The following OTUD7A variants were observed in gnomAD, a reference collection of about 807,000 sequenced individuals.
OTUD7A encodes the protein OTU domain-containing protein 7A.
Under a neutral mutation model 65.7 loss-of-function variants are expected in OTUD7A, and 12 were observed. That is an observed-to-expected ratio of 0.18 (90% confidence interval 0.12 to 0.30). The LOEUF (loss-of-function observed/expected upper bound fraction) is 0.30, where lower values mean the gene tolerates loss of function less well. Among genes scored for constraint, OTUD7A ranks in the 10% least tolerant of loss-of-function variants. OTUD7A has a pLI of 1.00. For missense variants in OTUD7A, 1,148 were observed against 1,304.8 expected (o/e 0.88, Z 1.85); for synonymous variants, 641 against 586.3 (o/e 1.09, Z -1.35).
chr15:31,670,129 T>G (rs959054184), intron 1 of OTUD7A, among the ~76,000 whole-genome samples: 1 of 148,964 alleles, frequency 6.7e-6, no homozygotes, highest in Non-Finnish European at 1.5e-5. Flanking sequence ...TGCTGCTGTG[T>G]CCATCTGAGT....
At chr15:31,764,404 T>C (rs922593478) in intron 1 of OTUD7A, among the ~76,000 whole-genome samples, 2 of 152,154 alleles carry the variant, frequency 1.3e-5, no homozygotes, top group African/African-American at 4.8e-5. Flanking sequence ...AGAATAGTCA[T>C]TAAACATTAA....
intron 1 of OTUD7A, among the ~76,000 whole-genome samples, chr15:31,746,791 C>T (rs1025434563): frequency 1.3e-5 from 2 of 152,138 alleles, no homozygotes; most frequent in Non-Finnish European, 2.9e-5. Flanking sequence ...CCACCAGGCC[C>T]GGCCTACCTG....
intron 10 of OTUD7A, among the ~76,000 whole-genome samples, chr15:31,490,493 A>G (rs1566881251): frequency 6.6e-6 from 1 of 152,232 alleles, no homozygotes; most frequent in Non-Finnish European, 1.5e-5. Flanking sequence ...TTCACAACTT[A>G]TCTTTAACCC....
At chr15:31,811,078 T>C (rs1896401680) in intron 1 of OTUD7A, among the ~76,000 whole-genome samples, 1 of 152,154 alleles carries the variant, frequency 6.6e-6, no homozygotes, top group Non-Finnish European at 1.5e-5. Flanking sequence ...AGAACAAACA[T>C]TATACACAGG....
intron 1 of OTUD7A, among the ~76,000 whole-genome samples, chr15:31,869,634 A>G (rs1333669400): frequency 6.6e-6 from 1 of 152,144 alleles, no homozygotes; most frequent in Non-Finnish European, 1.5e-5. Context: ...CTACTCTTAA[A>G]TCTATACATT....
intron 1 of OTUD7A, chr15:31,767,171 G>A (rs1185195618): frequency 3.0e-5 from 38 of 1,246,052 alleles, no homozygotes; most frequent in Non-Finnish European, 4.2e-5. Flanking sequence ...TTGATTTGAA[G>A]GAACTCAAAT....
At chr15:31,743,938 C>G (rs1894408820) in intron 1 of OTUD7A, among the ~76,000 whole-genome samples, 2 of 151,826 alleles carry the variant, frequency 1.3e-5, no homozygotes, top group South Asian at 4.2e-4. Context: ...GGAACAGCAC[C>G]TCAGATTCTA....
chr15:31,593,536 C>T (rs1042442532), intron 3 of OTUD7A, among the ~76,000 whole-genome samples: 1 of 152,038 alleles, frequency 6.6e-6, no homozygotes, highest in African/African-American at 2.4e-5. Context: ...TATGTAAAAA[C>T]TTGAATTTGG....
chr15:31,567,118 G>T (rs1426811752), intron 4 of OTUD7A, among the ~76,000 whole-genome samples: 1 of 152,220 alleles, frequency 6.6e-6, no homozygotes, highest in Non-Finnish European at 1.5e-5. Flanking sequence ...GACAGCAAGT[G>T]AGGGAAAGTT....
At chr15:31,627,019 C>T (rs1890978853) in intron 3 of OTUD7A, among the ~76,000 whole-genome samples, 1 of 151,400 alleles carries the variant, frequency 6.6e-6, no homozygotes, top group East Asian at 1.9e-4. Context: ...GGGGGTCTCT[C>T]CTCCACGTTG....
intron 3 of OTUD7A, among the ~76,000 whole-genome samples, chr15:31,626,911 T>C (rs1890972747): frequency 7.3e-6 from 1 of 136,628 alleles, no homozygotes; most frequent in Admixed American, 7.2e-5. Flanking sequence ...TTTTTTGTTT[T>C]TATGGTTTCT....
At chr15:31,676,226 A>G (rs1566971016) in intron 1 of OTUD7A, among the ~76,000 whole-genome samples, 1 of 152,184 alleles carries the variant, frequency 6.6e-6, no homozygotes, top group Admixed American at 6.5e-5. Context: ...TTGGTAGATG[A>G]TAATGGCAGA....
In OTUD7A at chr15:31,487,525, G is replaced by C. The variant is rs980191621; in HGVS notation, c.1213C>G (p.Leu405Val). 1 of 1,614,078 alleles carries C rather than the reference G, an allele frequency of 6.2e-7. No homozygotes were observed. Residue 405 changes from leucine to valine, a missense_variant, in exon 11 of 13, where the codon CTG becomes GTG. This residue lies in a region of OTUD7A where 58 missense variants were observed against 131.4 expected (regional missense o/e 0.44). Transcript: ENST00000307050. The surrounding 1 kb of genome is among the most constrained non-coding windows in gnomAD (Gnocchi z 6.0). Reference sequence around the variant, plus strand: ...TTGCCAGGGTCCACTGCAAAGTGCAGAGGCAGCAGCTTGTGCTCAGAATCC... The same window carrying C: ...TTGCCAGGGTCCACTGCAAAGTGCACAGGCAGCAGCTTGTGCTCAGAATCC... The part of the protein sequence containing the change: ...LTDSEHKLLP[L>V]HFAVDPGKDW...
intron 1 of OTUD7A, among the ~76,000 whole-genome samples, chr15:31,659,199 T>C (rs1248983697): frequency 6.6e-6 from 1 of 152,168 alleles, no homozygotes; most frequent in Admixed American, 6.5e-5. Flanking sequence ...AGAATGAGAC[T>C]GGGAGATGAT....
chr15:31,730,639 G>A (rs1164662542), intron 1 of OTUD7A, among the ~76,000 whole-genome samples: 1 of 152,214 alleles, frequency 6.6e-6, no homozygotes, highest in Non-Finnish European at 1.5e-5. Flanking sequence ...CCAAGGTGTA[G>A]TAAGAATGCA....
At chr15:31,763,790 A>T (rs1198574447) in intron 1 of OTUD7A, among the ~76,000 whole-genome samples, 1 of 152,222 alleles carries the variant, frequency 6.6e-6, no homozygotes, top group Non-Finnish European at 1.5e-5. Flanking sequence ...AAGCCTGAAT[A>T]CAGCAAGGAA....
At position 31,777,247 on chromosome 15, in the gene OTUD7A, G is replaced by A. The variant is rs115324707; in HGVS notation, c.-100+93260C>T. ...GGTCTCTCTCAGGCCTCTCTTACAA[G>A]GGCGCTAATCTCATTCCACATGACC... On this transcript the variant is annotated intron_variant, in intron 1 of 12. Transcript: ENST00000307050. Among the ~76,000 whole-genome samples the A allele has an allele frequency of 1.4e-3, 217 of 152,232 alleles. 1 individual carries two copies. The highest frequency in any genetic ancestry group is 5.0e-3 in the African/African-American group (207 of 41,538).
At chr15:31,851,155 A>G (rs986477691) in intron 1 of OTUD7A, among the ~76,000 whole-genome samples, 1 of 152,232 alleles carries the variant, frequency 6.6e-6, no homozygotes, top group African/African-American at 2.4e-5. Context: ...TACTATAATC[A>G]CAAAATCAAA....
intron 10 of OTUD7A, among the ~76,000 whole-genome samples, chr15:31,495,834 G>A (rs1239142273): frequency 6.6e-6 from 1 of 152,170 alleles, no homozygotes; most frequent in Non-Finnish European, 1.5e-5. Flanking sequence ...GGGAGGCTGA[G>A]GTGGACAGAT....
Sources: allele counts gnomAD v4.1 joint callset (sites outside exome capture counted in the v4.1 genomes callset), GRCh38; gene constraint gnomAD v4.1.1; regional missense constraint gnomAD v4.1.1; non-coding constraint Gnocchi (gnomAD v3.1); transcripts MANE v1.5; gene names NCBI Gene and HGNC (gene_info 2026-07-23, HGNC 2026-07-21).